IQCM: variants seen among roughly 807,000 people sequenced by gnomAD.
IQCM encodes the protein IQ domain-containing protein M.
IQCM carries 45 observed loss-of-function variants against 57.6 expected under a neutral mutation model. That is an observed-to-expected ratio of 0.78 (90% confidence interval 0.62 to 1.00). The LOEUF (loss-of-function observed/expected upper bound fraction) is 1.00, where lower values mean the gene tolerates loss of function less well. IQCM is among the 50% of genes least tolerant of loss of function. The probability of loss-of-function intolerance (pLI) is 0.00; values close to 1 mark genes in which losing one functional copy is unlikely to be tolerated. For synonymous variants in IQCM, 148 were observed against 158.9 expected (o/e 0.93, Z 0.51); for missense variants, 468 against 511.6 (o/e 0.91, Z 0.82).
At chr4:149,596,260 C>A (rs1753763211) in intron 8 of IQCM, among the ~76,000 whole-genome samples, 1 of 152,160 alleles carries the variant, frequency 6.6e-6, no homozygotes, top group East Asian at 1.9e-4. Context: ...AGTAACAAAT[C>A]TCAACATAAT....
chr4:149,358,911 G>T (rs1360341816), intron 13 of IQCM, among the ~76,000 whole-genome samples: 1 of 80,258 alleles, frequency 1.2e-5, no homozygotes, highest in African/African-American at 4.7e-5. Context: ...CTATCAGAGT[G>T]AGTGGAAATG....
chr4:149,605,787 C>G (rs923303676), intron 8 of IQCM, among the ~76,000 whole-genome samples: 1 of 144,496 alleles, frequency 6.9e-6, no homozygotes, highest in Non-Finnish European at 1.6e-5. Flanking sequence ...CCTATATAAC[C>G]CCTCCCCCAA....
intron 7 of IQCM, among the ~76,000 whole-genome samples, chr4:149,628,158 A>C (rs1407977942): frequency 6.6e-6 from 1 of 152,230 alleles, no homozygotes; most frequent in African/African-American, 2.4e-5. Flanking sequence ...GGAAACTAAC[A>C]CAGTCTATAA....
chr4:149,488,320 A>G (rs879733781), intron 12 of IQCM, among the ~76,000 whole-genome samples: 5 of 152,180 alleles, frequency 3.3e-5, no homozygotes, highest in Non-Finnish European at 7.4e-5. Flanking sequence ...TCTGATTATA[A>G]AACAGGCATA....
At chr4:149,382,833 T>C (rs952979204) in intron 13 of IQCM, among the ~76,000 whole-genome samples, 1 of 152,108 alleles carries the variant, frequency 6.6e-6, no homozygotes, top group African/African-American at 2.4e-5. Flanking sequence ...AAAGGCAGAA[T>C]CACCCTGAGG....
At chr4:149,585,495 T>C (rs895366028) in intron 9 of IQCM, among the ~76,000 whole-genome samples, 1 of 151,760 alleles carries the variant, frequency 6.6e-6, no homozygotes, top group Admixed American at 6.6e-5. Flanking sequence ...TATAGACATA[T>C]ATAAAATCTC....
chr4:149,606,280 C>T (rs926035180), intron 8 of IQCM, among the ~76,000 whole-genome samples: 2 of 152,140 alleles, frequency 1.3e-5, no homozygotes, highest in Non-Finnish European at 2.9e-5. Context: ...AGAGGAAATA[C>T]AGTGAGAGAC....
At chr4:149,441,172 T>G (rs1735905276) in intron 12 of IQCM, among the ~76,000 whole-genome samples, 1 of 152,076 alleles carries the variant, frequency 6.6e-6, no homozygotes, top group African/African-American at 2.4e-5. Context: ...TCCTACAACT[T>G]CCAATAACTT....
At chr4:149,466,887 G>A (rs1244840787) in intron 12 of IQCM, among the ~76,000 whole-genome samples, 1 of 152,082 alleles carries the variant, frequency 6.6e-6, no homozygotes, top group Non-Finnish European at 1.5e-5. Flanking sequence ...CCTTCTTGCT[G>A]CATCCACACA....
chr4:149,676,544 C>T (rs1460436618), intron 7 of IQCM, among the ~76,000 whole-genome samples: 1 of 151,982 alleles, frequency 6.6e-6, no homozygotes, highest in East Asian at 1.9e-4. Context: ...TATTATCCCC[C>T]CTCTACCCAA....
intron 12 of IQCM, among the ~76,000 whole-genome samples, chr4:149,497,479 C>T (rs116617143): frequency 0.013 from 1,925 of 152,140 alleles, 20 homozygotes; most frequent in Non-Finnish European, 0.02. Context: ...GCAAAAGGCA[C>T]GTCTCACATG....
intron 7 of IQCM, among the ~76,000 whole-genome samples, chr4:149,657,993 T>C (rs1028265315): frequency 6.6e-6 from 1 of 152,098 alleles, no homozygotes; most frequent in Admixed American, 6.6e-5. Context: ...TTTTGTTTTG[T>C]TTTGCTGTGG....
At chr4:149,573,534 GTAAAGTAAAAGTT>G in intron 9 of IQCM, among the ~76,000 whole-genome samples, 1 of 152,012 alleles carries the variant, frequency 6.6e-6, no homozygotes. Context: ...CGTTCACTGT[GTAAAGTAAAAGTT>G]TAATAATTAA....
At chr4:149,635,360 T>C (rs1052202200) in intron 7 of IQCM, among the ~76,000 whole-genome samples, 4 of 152,200 alleles carry the variant, frequency 2.6e-5, no homozygotes, top group Non-Finnish European at 5.9e-5. Flanking sequence ...TCTTCTCAAC[T>C]AGAATGTAAG....
intron 7 of IQCM, among the ~76,000 whole-genome samples, chr4:149,632,879 C>G (rs935822634): frequency 6.6e-6 from 1 of 152,078 alleles, no homozygotes; most frequent in Non-Finnish European, 1.5e-5. Flanking sequence ...AAGCAAATAT[C>G]GGCCGGGCGC....
intron 13 of IQCM, among the ~76,000 whole-genome samples, chr4:149,374,232 C>T (rs1314358288): frequency 1.3e-5 from 2 of 152,150 alleles, no homozygotes; most frequent in African/African-American, 4.8e-5. Flanking sequence ...ACCCCTTCAA[C>T]CCTCCAACAA....
intron 13 of IQCM, among the ~76,000 whole-genome samples, chr4:149,403,491 A>G (rs1008493427): frequency 6.6e-6 from 1 of 152,042 alleles, no homozygotes; most frequent in African/African-American, 2.4e-5. Flanking sequence ...GTTTGAGAGC[A>G]ATAGCAATTT....
intron 13 of IQCM, among the ~76,000 whole-genome samples, chr4:149,369,780 A>T (rs1435180794): frequency 1.3e-5 from 2 of 152,222 alleles, no homozygotes; most frequent in Non-Finnish European, 1.5e-5. Context: ...TTGAAATCCA[A>T]ATTATCTTAA....
intron 7 of IQCM, among the ~76,000 whole-genome samples, chr4:149,659,909 A>G (rs1332455048): frequency 1.3e-5 from 2 of 151,822 alleles, no homozygotes; most frequent in Admixed American, 1.3e-4. Context: ...ACCATTCAGG[A>G]CATAGGCATG....
Sources: allele counts gnomAD v4.1 joint callset (sites outside exome capture counted in the v4.1 genomes callset), GRCh38; gene constraint gnomAD v4.1.1; transcripts MANE v1.5; gene names NCBI Gene and HGNC (gene_info 2026-07-23, HGNC 2026-07-21).